Variants in SOX5 observed in about 807,000 individuals in gnomAD.
SOX5 encodes SRY-box transcription factor 5.
SOX5 carries 9 observed loss-of-function variants against 92.0 expected under a neutral mutation model. The ratio of observed to expected loss-of-function variants is 0.10; its 90% CI spans 0.06 to 0.17. The LOEUF is 0.17. Among genes scored for constraint, SOX5 ranks in the 10% least tolerant of loss-of-function variants. The probability of loss-of-function intolerance (pLI) is 1.00; values close to 1 mark genes in which losing one functional copy is unlikely to be tolerated. For synonymous variants in SOX5, 344 were observed against 336.3 expected, an observed-to-expected ratio of 1.02 and a Z score of -0.25; for missense variants, 642 against 944.5, an observed-to-expected ratio of 0.68 and a Z score of 4.20.
At chr12:24,424,119 C>T (rs958857090) in intron 1 of SOX5, among the ~76,000 whole-genome samples, 1 of 152,154 alleles carries the variant, frequency 6.6e-6, no homozygotes, top group Non-Finnish European at 1.5e-5. Flanking sequence ...AGTGGAATTT[C>T]AGGGGCAAAT....
intron 2 of SOX5, among the ~76,000 whole-genome samples, chr12:24,327,385 C>CTTTTTTTTTT (rs71063311): frequency 7.1e-5 from 4 of 56,690 alleles, no homozygotes; most frequent in Admixed American, 2.9e-4. Context: ...GCAATGGAGA[C>CTTTTTTTTTT]TTTTTTTTTT....
At chr12:24,441,850 A>C (rs1202487063) in intron 1 of SOX5, among the ~76,000 whole-genome samples, 2 of 152,192 alleles carry the variant, frequency 1.3e-5, no homozygotes, top group Non-Finnish European at 2.9e-5. Context: ...CTGCATGTAT[A>C]ATGATTATAA....
At chr12:24,245,238 TGTG>T (rs1938431404) in intron 3 of SOX5, among the ~76,000 whole-genome samples, 1 of 27,034 alleles carries the variant, frequency 3.7e-5, no homozygotes, top group Non-Finnish European at 1.2e-4. Flanking sequence ...GAGAGATTTG[TGTG>T]TGTGTGTGTG....
intron 1 of SOX5, among the ~76,000 whole-genome samples, chr12:24,524,387 C>CTAT (rs58188702): frequency 5.3e-5 from 8 of 151,884 alleles, no homozygotes; most frequent in East Asian, 1.9e-4. Context: ...ATCTATCTAT[C>CTAT]CATCCATCCA....
At chr12:24,515,901 G>T (rs1047270454) in intron 1 of SOX5, among the ~76,000 whole-genome samples, 2 of 152,122 alleles carry the variant, frequency 1.3e-5, no homozygotes, top group Non-Finnish European at 2.9e-5. Context: ...CACTTTAAGA[G>T]GTTAAATGTG....
chr12:23,534,211 G>A lies in SOX5; in HGVS notation c.*8C>T, dbSNP rs755447149. On this transcript the variant is annotated 3_prime_UTR_variant, in exon 15 of 15. Coordinates refer to ENST00000451604, the MANE Select transcript of SOX5 (RefSeq NM_006940.6). ...AGTCCTAAGGTCACAACAATCTTTT[G>A]ACCCTTATCAGTTGGCTTGTCCTGC... 3.1e-6 allele frequency: 5 copies of A among 1,611,366 alleles called. No individual in the cohort carries two copies. In the Admixed American group the frequency reaches 6.7e-5, roughly 22 times the overall value.
intron 2 of SOX5, among the ~76,000 whole-genome samples, chr12:23,857,516 T>G (rs1253616951): frequency 6.6e-6 from 1 of 152,164 alleles, no homozygotes; most frequent in Non-Finnish European, 1.5e-5. Context: ...AGAAAGGAGC[T>G]TTTCCAAACC....
chr12:24,317,729 C>T (rs1270755510), intron 2 of SOX5, among the ~76,000 whole-genome samples: 1 of 152,194 alleles, frequency 6.6e-6, no homozygotes, highest in African/African-American at 2.4e-5. Flanking sequence ...GTTACACCTT[C>T]GTTTCCCTTC....
At chr12:24,369,064 ATGT>A (rs1391096343) in intron 1 of SOX5, among the ~76,000 whole-genome samples, 3 of 152,154 alleles carry the variant, frequency 2.0e-5, no homozygotes, top group Admixed American at 6.6e-5. Flanking sequence ...CTTTCTAATA[ATGT>A]TGTTCAAAGG....
intron 2 of SOX5, among the ~76,000 whole-genome samples, chr12:24,314,104 C>T (rs1949471746): frequency 6.6e-6 from 1 of 152,132 alleles, no homozygotes; most frequent in South Asian, 2.1e-4. Flanking sequence ...ACCATGATCT[C>T]GTCTGGCTTA....
At position 23,653,043 on chromosome 12, in the gene SOX5, G is replaced by T. The variant is rs551979050; in HGVS notation, c.932-12146C>A. Among the ~76,000 whole-genome samples the T allele has an allele frequency of 8.6e-5, 13 of 151,374 alleles. 1 individual carries two copies. The highest frequency in any genetic ancestry group is 2.7e-4 in the African/African-American group (11 of 41,254). On this transcript the variant is annotated intron_variant, in intron 7 of 14. Transcript: ENST00000451604. ...GAATGTACAGATAGATGGATGGATG[G>T]ATGGATGGATGGATGGATGGATGGA...
chr12:24,088,681 C>T (rs1479159155), intron 4 of SOX5, among the ~76,000 whole-genome samples: 1 of 151,632 alleles, frequency 6.6e-6, no homozygotes, highest in Non-Finnish European at 1.5e-5. Flanking sequence ...TTTGTTGTTT[C>T]TACTTGAATA....
intron 4 of SOX5, among the ~76,000 whole-genome samples, chr12:24,116,643 T>C (rs1948035170): frequency 6.6e-6 from 1 of 152,090 alleles, no homozygotes. Flanking sequence ...AAGCACACAG[T>C]CCTTCTGAAT....
intron 4 of SOX5, among the ~76,000 whole-genome samples, chr12:24,186,426 C>A (rs1203725659): frequency 1.3e-5 from 2 of 151,958 alleles, no homozygotes; most frequent in Non-Finnish European, 2.9e-5. Flanking sequence ...ACTTATTCTA[C>A]AAGGATTTGA....
Position 23,987,428 on chromosome 12 carries a change from A to G in SOX5, c.-1-91404T>C, listed in dbSNP as rs142021828. 1.8e-4 allele frequency among the ~76,000 whole-genome samples: 28 copies of G among 152,154 alleles called. No homozygotes were observed. The South Asian group carries it at 1.9e-3, about 10-fold the overall frequency. ...ACTTGATGTGTTGGAGATACAGAAG[A>G]CTTGTGGAGCTGGAGCATAGTAGGG... On this transcript the variant is annotated intron_variant, in intron 4 of 4. Transcript: ENST00000446891.
At chr12:23,540,404 A>C (rs1941747564) in intron 13 of SOX5, among the ~76,000 whole-genome samples, 1 of 147,806 alleles carries the variant, frequency 6.8e-6, no homozygotes, top group Non-Finnish European at 1.5e-5. Flanking sequence ...AATAATAATA[A>C]AAAGCAGAGA....
At chr12:23,749,011 AAGTT>A (rs1171694083) in intron 4 of SOX5, among the ~76,000 whole-genome samples, 1 of 151,892 alleles carries the variant, frequency 6.6e-6, no homozygotes, top group Non-Finnish European at 1.5e-5. Context: ...AATAAAAACT[AAGTT>A]AGTCTAAATT....
chr12:24,399,255 C>A (rs75239609), intron 1 of SOX5, among the ~76,000 whole-genome samples: 2 of 152,024 alleles, frequency 1.3e-5, no homozygotes, highest in East Asian at 3.9e-4. Flanking sequence ...CTCCCCATAC[C>A]TGGGAAAGGA....
At chr12:23,643,119 G>C (rs568581162) in intron 7 of SOX5, among the ~76,000 whole-genome samples, 4 of 150,364 alleles carry the variant, frequency 2.7e-5, no homozygotes, top group African/African-American at 9.9e-5. Flanking sequence ...GGTAATTATG[G>C]TCAGACTAGG....
Sources: gnomAD v4.1 joint callset for allele counts (sites outside exome capture counted in the v4.1 genomes callset) on GRCh38, gnomAD v4.1.1 for gene constraint, MANE v1.5 for transcripts, NCBI Gene and HGNC (gene_info 2026-07-23, HGNC 2026-07-21) for gene names.